Variants in ABR observed in about 807,000 individuals in gnomAD.
ABR encodes the protein active breakpoint cluster region-related protein.
A neutral mutation model predicts 107.2 loss-of-function variants in ABR; 35 were observed. That is an observed-to-expected ratio of 0.33 (90% CI 0.25 to 0.43). The LOEUF (loss-of-function observed/expected upper bound fraction) is 0.43. ABR is among the 20% of genes least tolerant of loss of function. The pLI, the probability that ABR is intolerant of heterozygous loss-of-function variation, is 1.00. For missense variants in ABR, 815 were observed against 1,115.2 expected (o/e 0.73, Z 3.83); for synonymous variants, 498 against 462.0 (o/e 1.08, Z -1.00).
chr17:1,138,249 C>A (rs2040161131), intron 1 of ABR, among the ~76,000 whole-genome samples: 1 of 151,996 alleles, frequency 6.6e-6, no homozygotes, highest in Non-Finnish European at 1.5e-5. Flanking sequence ...CAAGAACAGG[C>A]GAAACAAATG....
chr17:1,185,537 C>T (rs554747202), intron 1 of ABR, among the ~76,000 whole-genome samples: 14 of 151,178 alleles, frequency 9.3e-5, no homozygotes, highest in Middle Eastern at 3.4e-3. Flanking sequence ...CCCAGCTACT[C>T]GGGAGACTGA....
intron 2 of ABR, among the ~76,000 whole-genome samples, chr17:1,106,391 G>GTC (rs1159838838): frequency 6.7e-6 from 1 of 150,374 alleles, no homozygotes; most frequent in African/African-American, 2.5e-5. Flanking sequence ...GCCCAGGACA[G>GTC]GAGTGTATCA....
At chr17:1,083,718 TC>T in intron 4 of ABR, 91 bp from the exon 5 acceptor site, 2 of 1,057,070 alleles carry the variant, frequency 1.9e-6, no homozygotes, top group Non-Finnish European at 2.9e-6. Flanking sequence ...CACCGGGAGC[TC>T]CCCTGCACTG....
upstream of ABR, among the ~76,000 whole-genome samples, chr17:1,180,461 CACCCCTG>C (rs2042097512): frequency 6.6e-6 from 1 of 152,168 alleles, no homozygotes; most frequent in Non-Finnish European, 1.5e-5. Flanking sequence ...TCCCTTTCCA[CACCCCTG>C]ACCTCTGAGC....
intron 2 of ABR, among the ~76,000 whole-genome samples, chr17:1,118,403 G>A (rs1429876055): frequency 0.42 from 4,160 of 9,950 alleles, 1,599 homozygotes; most frequent in Non-Finnish European, 0.67. Flanking sequence ...TCCTCCCAGC[G>A]TTATCCCTGA....
In ABR at chr17:1,007,211, T is replaced by C. The variant is rs1450702193; in HGVS notation, c.2444A>G (p.His815Arg). 2 of 1,613,876 alleles carry C rather than the reference T, an allele frequency of 1.2e-6. No individual in the cohort carries two copies. Among genetic ancestry groups the C allele is most frequent in the African/African-American group, 2.7e-5 (2 of 74,910 alleles). Residue 815 changes from histidine (H) to arginine (R), a missense_variant, in exon 22 of 23, where the codon CAC becomes CGC. By Grantham distance (29) the His-to-Arg change is conservative. This residue lies in a region of ABR where 175 missense variants were observed against 284.3 expected (regional missense o/e 0.62). Transcript: ENST00000302538. ...CCAGATGTCCGCAGCCGAGGTGAGG[T>C]GTGCTTTGCTCTCCACTTCTGAGGG... ...LRPSEVESKA[H>R]LTSAADIWSH...
intron 16 of ABR, among the ~76,000 whole-genome samples, chr17:1,031,996 G>GT (rs1468887606): frequency 6.7e-6 from 1 of 150,152 alleles, no homozygotes; most frequent in Non-Finnish European, 1.5e-5. Context: ...GCCCAGGGCC[G>GT]CCCCTCCAAG....
intron 16 of ABR, among the ~76,000 whole-genome samples, chr17:1,038,639 C>A (rs2073380376): frequency 6.6e-6 from 1 of 152,234 alleles, no homozygotes; most frequent in Non-Finnish European, 1.5e-5. Flanking sequence ...CCTCGCCCAG[C>A]ACCACCAATG....
intron 1 of ABR, among the ~76,000 whole-genome samples, chr17:1,137,637 G>GA (rs113082968): frequency 5.3e-5 from 8 of 152,316 alleles, no homozygotes; most frequent in African/African-American, 1.9e-4. Context: ...AAAAAAGTCT[G>GA]AAAGATCGTG....
chr17:1,090,492 C>T (rs780689669), intron 4 of ABR, among the ~76,000 whole-genome samples: 32 of 151,982 alleles, frequency 2.1e-4, no homozygotes, highest in East Asian at 3.9e-4. Flanking sequence ...GAGGAAAAGG[C>T]GGCTGTGAGC....
Position 1,214,813 on chromosome 17 carries a change from T to TAA in ABR, c.838+13979_838+13980insTT, listed in dbSNP as rs1236952001. ...CGAAACTCCACCTCAAAGAAAAAAA[T>TAA]ATATATATTTGATTGTACATAGTTT... is the stretch of plus-strand genomic sequence containing the variant. On this transcript the variant is annotated intron_variant, in intron 1 of 22. Transcript: ENST00000574139. Among the ~76,000 whole-genome samples the TAA allele has an allele frequency of 9.8e-3, 1,484 of 150,918 alleles. 13 individuals are homozygous for TAA. Among genetic ancestry groups the TAA allele is most frequent in the South Asian group, 0.028 (133 of 4,742 alleles).
At position 1,073,703 on chromosome 17, in the gene ABR, G is replaced by A. The variant is rs182443331; in HGVS notation, c.701-26C>T. On this transcript the variant is annotated intron_variant, in intron 6 of 22. Transcript: ENST00000302538. ...CTGTCGGGGGAGACAGGGAGAAGGA[G>A]GAAGAGGATGATGGACGAGGGCAAC... The A allele has an allele frequency of 3.0e-3, 4,847 of 1,589,808 alleles. 13 individuals are homozygous for A. Among genetic ancestry groups the A allele is most frequent in the Non-Finnish European group, 3.8e-3 (4,406 of 1,166,586 alleles).
chr17:1,089,422 T>C (rs2036864626), intron 4 of ABR, among the ~76,000 whole-genome samples: 1 of 152,236 alleles, frequency 6.6e-6, no homozygotes, highest in Non-Finnish European at 1.5e-5. Flanking sequence ...AGGAAGCTGA[T>C]TCAGAGCGGT....
At chr17:1,184,699 T>C (rs892547331), upstream of ABR, among the ~76,000 whole-genome samples, 3 of 150,928 alleles carry the variant, frequency 2.0e-5, no homozygotes. Context: ...TCTTGCTCTG[T>C]CACCCAGTCT....
Position 1,084,096 on chromosome 17 carries a change from T to C in ABR, c.532-469A>G, listed in dbSNP as rs957719142. 6.6e-6 allele frequency among the ~76,000 whole-genome samples: 1 copy of C among 152,146 alleles called. No homozygotes were observed. The highest frequency in any genetic ancestry group is 6.5e-5 in the Admixed American group (1 of 15,288). On this transcript the variant is annotated intron_variant, in intron 4 of 22. Transcript: ENST00000302538. This position sits in a 1 kb window ranked among gnomAD's most constrained non-coding sequence, Gnocchi z 4.2. ...CCACGTGCAGCGTGGGGAACGACATTTAAAGGTGCTGTCTTGGCCGGGCGT... is the reference window on the plus strand; with the variant it reads ...CCACGTGCAGCGTGGGGAACGACATCTAAAGGTGCTGTCTTGGCCGGGCGT...
chr17:1,075,454 G>T (rs1027360689), intron 6 of ABR, among the ~76,000 whole-genome samples: 5 of 152,246 alleles, frequency 3.3e-5, no homozygotes, highest in Non-Finnish European at 5.9e-5. Context: ...CCCCGTGCGC[G>T]GCTAAGCAGA....
rs184529218 is a variant in ABR at position 1,092,627 on chromosome 17, G to A, written c.346-777C>T. On this transcript the variant is annotated intron_variant, in intron 3 of 22. Coordinates refer to ENST00000302538, the MANE Select transcript of ABR (RefSeq NM_021962.5). This position sits in a 1 kb window ranked among gnomAD's most constrained non-coding sequence, Gnocchi z 4.6. ...CCTAGCAGTGGGACCGTGGGATAAC[G>A]GGACGTGCAGGCATTTCCTCAGTGT... Among the ~76,000 whole-genome samples the A allele has an allele frequency of 2.7e-4, 41 of 152,188 alleles. No homozygotes were observed. Among genetic ancestry groups the A allele is most frequent in the African/African-American group, 9.6e-4 (40 of 41,528 alleles).
At chr17:1,106,527 CTT>C (rs540643214) in intron 2 of ABR, among the ~76,000 whole-genome samples, 5 of 102,594 alleles carry the variant, frequency 4.9e-5, no homozygotes, top group South Asian at 3.6e-4. Flanking sequence ...TTCTCACAGT[CTT>C]TTTTTTTTTT....
In ABR at chr17:1,011,936, C is replaced by A. The variant is rs766229075; in HGVS notation, c.2011G>T (p.Val671Leu). The change falls in exon 19 of 23, where the codon GTG (valine) becomes TTG (leucine). Residue 671 changes from valine to leucine, a missense_variant. Val to Leu is a conservative substitution (Grantham distance 32). Around this residue, in one of 5 missense-constraint regions of ABR, gnomAD observed 175 missense variants for 284.3 expected, o/e 0.62. Coordinates refer to ENST00000302538, the MANE Select transcript of ABR (RefSeq NM_021962.5). This position sits in a 1 kb window ranked among gnomAD's most constrained non-coding sequence, Gnocchi z 4.8. ...PYIVRQCVEEVEKRGIEEVGI... is the reference protein window; with the variant it reads ...PYIVRQCVEELEKRGIEEVGI... ...ACCTCCTCGATACCCCTCTTCTCCA[C>A]CTCCTCCACACACTGCCGGACGATG... 1.2e-6 allele frequency: 2 copies of A among 1,613,512 alleles called. No individual in the cohort carries two copies. The highest frequency in any genetic ancestry group is 2.2e-5 in the South Asian group (2 of 91,056).
Sources: allele counts gnomAD v4.1 joint callset (sites outside exome capture counted in the v4.1 genomes callset), GRCh38; gene constraint gnomAD v4.1.1; regional missense constraint gnomAD v4.1.1; non-coding constraint Gnocchi (gnomAD v3.1); transcripts MANE v1.5; gene names NCBI Gene and HGNC (gene_info 2026-07-23, HGNC 2026-07-21).